The following MYOM2 variants were observed in gnomAD, a reference collection of about 807,000 sequenced individuals.
The protein encoded by MYOM2 is myomesin-2.
MYOM2 carries 254 observed loss-of-function variants against 187.6 expected under a neutral mutation model. That is an observed-to-expected ratio of 1.35 (90% CI 1.22 to 1.50). MYOM2 has a LOEUF of 1.50. Ranked by LOEUF, MYOM2 falls within the 40% of genes most tolerant of loss-of-function variation. The probability of loss-of-function intolerance (pLI) is 0.00; values close to 1 mark genes in which losing one functional copy is unlikely to be tolerated. For missense variants in MYOM2, 2,796 were observed against 1,924.0 expected, an observed-to-expected ratio of 1.45 and a Z score of -8.48; for synonymous variants, 981 against 753.8, an observed-to-expected ratio of 1.30 and a Z score of -4.94.
At chr8:2,055,295 G>A (rs984408946) in intron 3 of MYOM2, among the ~76,000 whole-genome samples, 3 of 152,192 alleles carry the variant, frequency 2.0e-5, no homozygotes, top group African/African-American at 7.2e-5. Context: ...GCAGGAGGAG[G>A]ATGAGGACGT....
chr8:2,142,962 G>C (rs937765630), intron 35 of MYOM2, among the ~76,000 whole-genome samples: 4 of 151,794 alleles, frequency 2.6e-5, no homozygotes, highest in African/African-American at 4.8e-5. Context: ...CATCATGTTG[G>C]CCAGGCTGGT....
intron 20 of MYOM2, among the ~76,000 whole-genome samples, chr8:2,101,662 T>C (rs1480874324): frequency 6.6e-6 from 1 of 152,092 alleles, no homozygotes; most frequent in Non-Finnish European, 1.5e-5. Context: ...CACATTGCAG[T>C]CTAATAGCTG....
At chr8:2,095,910 C>G (rs2294064) in intron 17 of MYOM2, among the ~76,000 whole-genome samples, 86,525 of 152,056 alleles carry the variant, frequency 0.57, 26,712 homozygotes, top group Non-Finnish European at 0.69. Flanking sequence ...CTTCGCCAAG[C>G]TTCTTTCAAG....
At chr8:2,103,512 G>A (rs553802748) in intron 21 of MYOM2, among the ~76,000 whole-genome samples, 1 of 150,708 alleles carries the variant, frequency 6.6e-6, no homozygotes, top group Non-Finnish European at 1.5e-5. Flanking sequence ...GAGTGGGAGA[G>A]TGTGCATGTA....
At chr8:2,110,744 T>C (rs934163622) in intron 25 of MYOM2, among the ~76,000 whole-genome samples, 1 of 152,216 alleles carries the variant, frequency 6.6e-6, no homozygotes, top group Non-Finnish European at 1.5e-5. Context: ...GCAGCCCCCC[T>C]ACCATATTTC....
At chr8:2,087,823 G>T (rs1382517314) in intron 14 of MYOM2, among the ~76,000 whole-genome samples, 1 of 152,112 alleles carries the variant, frequency 6.6e-6, no homozygotes, top group African/African-American at 2.4e-5. Context: ...GTCTCGCCAT[G>T]TTGCCCAGGC....
chr8:2,094,225 A>G, intron 17 of MYOM2, 134 bp downstream of exon 17: 6 of 1,185,586 alleles, frequency 5.1e-6, no homozygotes, highest in Non-Finnish European at 7.0e-6. Context: ...AGAGAACTTG[A>G]GTTTCTTTGA....
At chr8:2,123,431 C>T in intron 29 of MYOM2, 66 bp downstream of exon 29, 1 of 1,481,522 alleles carries the variant, frequency 6.7e-7, no homozygotes, top group Non-Finnish European at 9.4e-7. Flanking sequence ...CTCGTAAATT[C>T]TACAATCCTC....
At chr8:2,086,210 TGTCATGATCTCTTTGTGGCCCCC>T (rs1796036571) in intron 14 of MYOM2, among the ~76,000 whole-genome samples, 1 of 37,836 alleles carries the variant, frequency 2.6e-5, no homozygotes, top group Non-Finnish European at 6.1e-5. Flanking sequence ...GTGGCCCCAC[TGTCATGATCTCTTTGTGGCCCCC>T]CACTGTTGTG....
At chr8:2,079,501 A>C in intron 12 of MYOM2, 59 bp from the exon 13 acceptor site, 1 of 1,560,226 alleles carries the variant, frequency 6.4e-7, no homozygotes, top group South Asian at 1.1e-5. Flanking sequence ...AATGAGGGAA[A>C]ACGGGCTTTT....
intron 15 of MYOM2, 78 bp from the exon 16 acceptor site, chr8:2,092,268 A>T (rs909829955): frequency 6.6e-7 from 1 of 1,518,686 alleles, no homozygotes; most frequent in East Asian, 2.3e-5. Context: ...GTTCCCTGTG[A>T]AAAGGGCCGG....
At position 2,098,964 on chromosome 8, in the gene MYOM2, C is replaced by T. The variant is rs371890343; in HGVS notation, c.2421C>T (p.Ala807=). 2 of 1,610,754 alleles carry T rather than the reference C, an allele frequency of 1.2e-6. No individual in the cohort carries two copies. The highest frequency in any genetic ancestry group is 1.7e-6 in the Non-Finnish European group (2 of 1,177,938). Residue 807 remains alanine, a synonymous_variant, in exon 19 of 37, where the codon GCC becomes GCT. Transcript: ENST00000262113. ...SDPSEHFKCE[A]WTMPEPGPAY... is the part of the protein sequence containing the mutation. ...CCAGTGAGCACTTCAAGTGTGAGGC[C>T]TGGACCATGCCGGAGCCCGGTGAGT...
chr8:2,049,726 G>A (rs1234792835), intron 1 of MYOM2, among the ~76,000 whole-genome samples: 1 of 152,222 alleles, frequency 6.6e-6, no homozygotes, highest in African/African-American at 2.4e-5. Flanking sequence ...AATGACTGCA[G>A]AGATTTAGGA....
chr8:2,067,321 CT>C (rs1819051125), intron 6 of MYOM2, among the ~76,000 whole-genome samples: 1 of 152,124 alleles, frequency 6.6e-6, no homozygotes, highest in Non-Finnish European at 1.5e-5. Flanking sequence ...AAAGTGGGGA[CT>C]TTTTGTGTTG....
chr8:2,048,595 TG>T (rs1818382658), intron 1 of MYOM2, among the ~76,000 whole-genome samples: 1 of 152,094 alleles, frequency 6.6e-6, no homozygotes, highest in Admixed American at 6.5e-5. Flanking sequence ...AGATTCAATA[TG>T]GAACGCCAGA....
At chr8:2,047,955 T>G (rs891668000) in intron 1 of MYOM2, among the ~76,000 whole-genome samples, 1 of 152,236 alleles carries the variant, frequency 6.6e-6, no homozygotes, top group African/African-American at 2.4e-5. Context: ...GTCTGTGAGC[T>G]CTCAAGACCT....
intron 34 of MYOM2, 60 bp downstream of exon 34, chr8:2,141,237 T>G: frequency 6.9e-7 from 1 of 1,459,344 alleles, no homozygotes; most frequent in Non-Finnish European, 9.6e-7. Flanking sequence ...CCAGTCGTTT[T>G]GGCTGCATGT....
chr8:2,092,500 C>G lies in MYOM2; in HGVS notation c.1983C>G (p.His661Gln), dbSNP rs1307089839. 2.5e-6 allele frequency: 4 copies of G among 1,614,102 alleles called. No homozygotes were observed. The highest frequency in any genetic ancestry group is 3.4e-6 in the Non-Finnish European group (4 of 1,180,008). ...CCAACCTCTGGGAGCCCTGCAACCA[C>G]AAGCCCATCGGATACAACAGGTGCG... ...AGTNLWEPCN[H>Q]KPIGYNRFVV... Residue 661 changes from histidine (H) to glutamine (Q), a missense_variant, in exon 16 of 37, where the codon CAC (histidine) becomes CAG (glutamine). By Grantham distance (24) the His-to-Gln change is conservative (BLOSUM62 0). Coordinates refer to ENST00000262113, the MANE Select transcript of MYOM2 (RefSeq NM_003970.4).
Position 2,090,161 on chromosome 8 carries a change from A to T in MYOM2, c.1798A>T (p.Thr600Ser). The T allele has an allele frequency of 6.2e-7, 1 of 1,613,986 alleles. No individual in the cohort carries two copies. Among genetic ancestry groups the T allele is most frequent in the African/African-American group, 1.3e-5 (1 of 75,044 alleles). ...RHGLSEPSEI[T>S]SPIQAQDVTV... ...TGGCCTGAGCGAACCTTCGGAGATA[A>T]CGTCCCCCATTCAGGCCCAGGATGT... Residue 600 changes from threonine (T) to serine (S), a missense_variant, in exon 15 of 37, where the codon ACG (threonine) becomes TCG (serine). Transcript: ENST00000262113.
Sources: gnomAD v4.1 joint callset for allele counts (sites outside exome capture counted in the v4.1 genomes callset) on GRCh38, gnomAD v4.1.1 for gene constraint, MANE v1.5 for transcripts, NCBI Gene and HGNC (gene_info 2026-07-23, HGNC 2026-07-21) for gene names.